Variants in FBLN5 observed in about 807,000 individuals in gnomAD.
FBLN5 encodes fibulin-5.
A neutral mutation model predicts 61.6 loss-of-function variants in FBLN5; 24 were observed. That is an observed-to-expected ratio of 0.39 (90% CI 0.28 to 0.55). FBLN5 has a LOEUF of 0.55. Ranked by LOEUF, FBLN5 falls within the 20% of genes least tolerant of loss-of-function variation. FBLN5 has a pLI of 0.65. For missense variants in FBLN5, 470 were observed against 594.1 expected, an observed-to-expected ratio of 0.79 and a Z score of 2.17; for synonymous variants, 213 against 219.8, an observed-to-expected ratio of 0.97 and a Z score of 0.27.
intron 4 of FBLN5, among the ~76,000 whole-genome samples, chr14:91,914,499 A>AAAC (rs556982176): frequency 6.9e-6 from 1 of 144,858 alleles, no homozygotes; most frequent in Admixed American, 7.1e-5. Flanking sequence ...AAAAAAAAAA[A>AAAC]AACAACAAAT....
At chr14:91,944,499 G>T (rs1808129078) in intron 1 of FBLN5, among the ~76,000 whole-genome samples, 1 of 152,230 alleles carries the variant, frequency 6.6e-6, no homozygotes, top group Admixed American at 6.5e-5. Context: ...ACAGGTATTT[G>T]TAAACCTGTG....
At chr14:91,881,164 C>T (rs1403978889) in intron 9 of FBLN5, 128 bp downstream of exon 9, 2 of 897,976 alleles carry the variant, frequency 2.2e-6, no homozygotes, top group Non-Finnish European at 1.8e-6. Context: ...CGCATGAGCA[C>T]ATGACGTAGG....
chr14:91,916,768 G>A (rs1007997094), intron 4 of FBLN5, among the ~76,000 whole-genome samples: 3 of 152,126 alleles, frequency 2.0e-5, no homozygotes, highest in Non-Finnish European at 4.4e-5. Context: ...GGGTCCTTCT[G>A]TTTCTTCTCT....
chr14:91,894,837 C>CA, intron 5 of FBLN5, 113 bp downstream of exon 5: 1 of 651,960 alleles, frequency 1.5e-6, no homozygotes, highest in Non-Finnish European at 2.6e-6. Context: ...CCCGCCCTCC[C>CA]TAGCAAAGAA....
At chr14:91,917,575 C>CAAAAAAAAAAAAAAAAAAAAAAA (rs34458933) in intron 4 of FBLN5, among the ~76,000 whole-genome samples, 6 of 63,460 alleles carry the variant, frequency 9.5e-5, no homozygotes, top group Admixed American at 2.5e-4. Context: ...GACTCCATCT[C>CAAAAAAAAAAAAAAAAAAAAAAA]AAAAAAAAAA....
intron 1 of FBLN5, among the ~76,000 whole-genome samples, chr14:91,946,496 C>T (rs769049563): frequency 3.3e-5 from 5 of 149,906 alleles, no homozygotes; most frequent in South Asian, 2.1e-4. Context: ...TCCAGGATGA[C>T]ATTGTTACAG....
intron 4 of FBLN5, among the ~76,000 whole-genome samples, chr14:91,915,947 A>T (rs551892522): frequency 2.3e-4 from 35 of 152,330 alleles, no homozygotes; most frequent in Non-Finnish European, 4.3e-4. Context: ...TTAAAAAAGA[A>T]ATGTGGCAGG....
chr14:91,907,396 T>C (rs1275504808), intron 4 of FBLN5, among the ~76,000 whole-genome samples: 2 of 152,136 alleles, frequency 1.3e-5, no homozygotes, highest in African/African-American at 4.8e-5. Context: ...TTCTCTCCTA[T>C]CTAAACCAGC....
At chr14:91,930,818 G>A (rs919668705) in intron 4 of FBLN5, among the ~76,000 whole-genome samples, 4 of 152,126 alleles carry the variant, frequency 2.6e-5, no homozygotes, top group Admixed American at 1.3e-4. Flanking sequence ...AGCAGATTCC[G>A]AGTGAAGCCA....
At chr14:91,944,232 CAAAAAATAAAAACAAAA>C (rs2056150628) in intron 1 of FBLN5, among the ~76,000 whole-genome samples, 1 of 151,990 alleles carries the variant, frequency 6.6e-6, no homozygotes, top group Non-Finnish European at 1.5e-5. Flanking sequence ...GACTCTGTCT[CAAAAAATAAAAACAAAA>C]TAAAAATACA....
chr14:91,934,104 G>A (rs1013383927), intron 4 of FBLN5, among the ~76,000 whole-genome samples: 1 of 152,206 alleles, frequency 6.6e-6, no homozygotes, highest in Non-Finnish European at 1.5e-5. Flanking sequence ...TACTTGGGAG[G>A]CTGAAATGGG....
At chr14:91,926,217 C>A (rs2055826112) in intron 4 of FBLN5, among the ~76,000 whole-genome samples, 2 of 152,148 alleles carry the variant, frequency 1.3e-5, no homozygotes, top group Non-Finnish European at 2.9e-5. Flanking sequence ...CCTGTGGGCA[C>A]CTGCCTGCCC....
intron 10 of FBLN5, 82 bp from the exon 11 acceptor site, chr14:91,870,467 C>T (rs532905157): frequency 3.3e-5 from 47 of 1,427,738 alleles, no homozygotes; most frequent in East Asian, 1.1e-4. Flanking sequence ...CCCTTGCCTC[C>T]GTCAGTCAAA....
intron 4 of FBLN5, among the ~76,000 whole-genome samples, chr14:91,927,977 C>T (rs1339516811): frequency 6.6e-6 from 1 of 152,266 alleles, no homozygotes; most frequent in Non-Finnish European, 1.5e-5. Flanking sequence ...ACCTACTACA[C>T]AAAGGCACCA....
chr14:91,871,331 C>T (rs988599997), intron 10 of FBLN5, among the ~76,000 whole-genome samples: 3 of 151,602 alleles, frequency 2.0e-5, no homozygotes, highest in Non-Finnish European at 4.4e-5. Context: ...TTAGGTGATG[C>T]CTGGGAAAGG....
At position 91,928,716 on chromosome 14, in the gene FBLN5, G is replaced by A. The variant is rs150362236; in HGVS notation, c.379+8231C>T. Among the ~76,000 whole-genome samples, 674 of 151,546 alleles carry A rather than the reference G, an allele frequency of 4.4e-3. 3 individuals carry two copies. The highest frequency in any genetic ancestry group is 0.015 in the African/African-American group (622 of 41,242). On this transcript the variant is annotated intron_variant, in intron 4 of 10. Transcript: ENST00000342058. ...ATGCCTGGGAGGTTGAGGATGCAGT[G>A]AGCAGAGATCATGCCACTGTAATCC... is the stretch of plus-strand genomic sequence containing the variant.
chr14:91,882,579 A>G lies in FBLN5; in HGVS notation c.862+375T>C, dbSNP rs2061648390. Among the ~76,000 whole-genome samples the G allele has an allele frequency of 6.6e-6, 1 of 152,244 alleles. No individual in the cohort carries two copies. Among genetic ancestry groups the G allele is most frequent in the South Asian group, 2.1e-4 (1 of 4,830 alleles). ...AACCAAACTGCCCTCCAGGCCACGT[A>G]AGAAAGCCCGGGCTCTGGCCAGGCC... On this transcript the variant is annotated intron_variant, in intron 8 of 10. Coordinates refer to ENST00000342058, the MANE Select transcript of FBLN5 (RefSeq NM_006329.4). The surrounding 1 kb of genome is among the most constrained non-coding windows in gnomAD (Gnocchi z 4.9).
intron 4 of FBLN5, among the ~76,000 whole-genome samples, chr14:91,916,931 G>C (rs778732105): frequency 3.3e-5 from 5 of 152,156 alleles, no homozygotes; most frequent in Non-Finnish European, 7.3e-5. Flanking sequence ...CCCACTGCTG[G>C]TTCCGGGGTG....
chr14:91,940,678 T>G, intron 2 of FBLN5, 62 bp from the exon 3 acceptor site: 1 of 1,436,374 alleles, frequency 7.0e-7, no homozygotes. Context: ...GTCTTATTGC[T>G]GCAACACAGA....
Sources: allele counts gnomAD v4.1 joint callset (sites outside exome capture counted in the v4.1 genomes callset), GRCh38; gene constraint gnomAD v4.1.1; non-coding constraint Gnocchi (gnomAD v3.1); transcripts MANE v1.5; gene names NCBI Gene and HGNC (gene_info 2026-07-23, HGNC 2026-07-21).